DAB1: variants seen among roughly 807,000 people sequenced by gnomAD.
DAB1 encodes DAB adaptor protein 1, also known as disabled homolog 1.
DAB1 carries 15 observed loss-of-function variants against 64.6 expected under a neutral mutation model. That is an observed-to-expected ratio of 0.23 (90% CI 0.16 to 0.36). The LOEUF is 0.36. Ranked by LOEUF, DAB1 falls within the 10% of genes least tolerant of loss-of-function variation. DAB1 has a pLI of 1.00. For missense variants in DAB1, 596 were observed against 706.7 expected (o/e 0.84, Z 1.78); for synonymous variants, 235 against 251.9 (o/e 0.93, Z 0.64).
chr1:57,843,857 A>G (rs1395119958), intron 1 of DAB1, among the ~76,000 whole-genome samples: 1 of 152,150 alleles, frequency 6.6e-6, no homozygotes, highest in Non-Finnish European at 1.5e-5. Flanking sequence ...AAGCAGGAAC[A>G]GCAATACTTG....
intron 4 of DAB1, among the ~76,000 whole-genome samples, chr1:58,226,147 A>T (rs957027676): frequency 6.6e-6 from 1 of 152,060 alleles, no homozygotes; most frequent in Non-Finnish European, 1.5e-5. Context: ...TCTCCAAGTC[A>T]TGGTATCTCC....
At chr1:57,724,335 A>AGAGGG (rs1457097221) in intron 6 of DAB1, among the ~76,000 whole-genome samples, 1 of 82,984 alleles carries the variant, frequency 1.2e-5, no homozygotes, top group Non-Finnish European at 2.2e-5. Flanking sequence ...AGGAAGGAAG[A>AGAGGG]GAGGGGAGGG....
intron 1 of DAB1, among the ~76,000 whole-genome samples, chr1:57,833,034 G>C (rs948161537): frequency 6.7e-6 from 1 of 148,844 alleles, no homozygotes; most frequent in Non-Finnish European, 1.5e-5. Context: ...GGACAACAAG[G>C]AAATAAGTGA....
chr1:57,440,364 C>T (rs1685895074), intron 7 of DAB1, among the ~76,000 whole-genome samples: 1 of 152,178 alleles, frequency 6.6e-6, no homozygotes, highest in African/African-American at 2.4e-5. Flanking sequence ...GTGATTCAGC[C>T]AATGTGGTCC....
At chr1:57,605,941 A>G in intron 7 of DAB1, 1 of 689,190 alleles carries the variant, frequency 1.5e-6, no homozygotes, top group Non-Finnish European at 2.7e-6. Flanking sequence ...GTGCAAGTCA[A>G]AGAGTCACTT....
At chr1:57,061,232 G>A (rs866906511) in intron 9 of DAB1, among the ~76,000 whole-genome samples, 1 of 149,088 alleles carries the variant, frequency 6.7e-6, no homozygotes, top group Non-Finnish European at 1.5e-5. Context: ...TTTAGATGGG[G>A]GGGGGGGGTG....
In DAB1 at chr1:58,341,586, G is replaced by A. The variant is rs746813578; in HGVS notation, n.309+1766C>T. On this transcript the variant is annotated intron_variant and non_coding_transcript_variant, in intron 4 of 20. Transcript: ENST00000485760. ...GATAAGTGGAATACTCAGATGGGCTGAGTAACTTACCTGAGATCACAAAAA... is the reference window on the plus strand; with the variant it reads ...GATAAGTGGAATACTCAGATGGGCTAAGTAACTTACCTGAGATCACAAAAA... 2.0e-5 allele frequency among the ~76,000 whole-genome samples: 3 copies of A among 152,194 alleles called. 1 individual carries two copies. The highest frequency in any genetic ancestry group is 7.2e-5 in the African/African-American group (3 of 41,450).
chr1:57,638,862 ATGTG>A (rs921539365), intron 7 of DAB1, among the ~76,000 whole-genome samples: 1 of 151,582 alleles, frequency 6.6e-6, no homozygotes, highest in African/African-American at 2.4e-5. Flanking sequence ...GGGGGTGTGT[ATGTG>A]TGTGTGTGTT....
At chr1:58,488,094 T>A (rs1318640892) in intron 3 of DAB1, among the ~76,000 whole-genome samples, 5 of 152,184 alleles carry the variant, frequency 3.3e-5, no homozygotes, top group African/African-American at 1.2e-4. Context: ...TATAGACATT[T>A]AAACTGATAA....
chr1:58,481,906 A>G (rs907727480), intron 3 of DAB1, among the ~76,000 whole-genome samples: 1 of 152,236 alleles, frequency 6.6e-6, no homozygotes, highest in African/African-American at 2.4e-5. Context: ...TGGAACTGTA[A>G]GTCAATTAAA....
chr1:58,172,839 G>A (rs1046932118), intron 4 of DAB1, among the ~76,000 whole-genome samples: 1 of 152,246 alleles, frequency 6.6e-6, no homozygotes, highest in Admixed American at 6.5e-5. Context: ...AAAGGAAGAA[G>A]AATAAATGTA....
At chr1:57,261,582 C>T (rs1251633331) in intron 2 of DAB1, among the ~76,000 whole-genome samples, 1 of 152,106 alleles carries the variant, frequency 6.6e-6, no homozygotes, top group Non-Finnish European at 1.5e-5. Flanking sequence ...TAGCATGAAC[C>T]AGACCTACTT....
chr1:57,403,865 A>C (rs1185482129), intron 1 of DAB1, among the ~76,000 whole-genome samples: 2 of 152,220 alleles, frequency 1.3e-5, no homozygotes, highest in Admixed American at 1.3e-4. Context: ...TCTCAGTCTC[A>C]CTAGCTACAT....
intron 5 of DAB1, among the ~76,000 whole-genome samples, chr1:58,114,095 A>C (rs1238819891): frequency 1.4e-5 from 2 of 137,970 alleles, no homozygotes; most frequent in African/African-American, 5.7e-5. Flanking sequence ...AAAATACAAA[A>C]AAAAAAAAAA....
chr1:58,142,840 T>A (rs948801539), intron 5 of DAB1, among the ~76,000 whole-genome samples: 1 of 152,232 alleles, frequency 6.6e-6, no homozygotes, highest in Non-Finnish European at 1.5e-5. Flanking sequence ...CTTTTCTTTA[T>A]GTCTCCATCT....
At position 57,268,043 on chromosome 1, in the gene DAB1, G is replaced by A. The variant is rs1221232241; in HGVS notation, c.67+22921C>T. On this transcript the variant is annotated intron_variant, in intron 2 of 14. Transcript: ENST00000371236. ...ATTCCTAATCCATAAATATTTACAT[G>A]TAGGGATTTCTCCATGTTCAACAAG... Among the ~76,000 whole-genome samples, 4 of 152,268 alleles carry A rather than the reference G, an allele frequency of 2.6e-5. No homozygotes were observed. In the South Asian group the frequency reaches 6.2e-4, roughly 24 times the overall value.
At chr1:57,828,991 T>A (rs1260400445) in intron 1 of DAB1, among the ~76,000 whole-genome samples, 1 of 152,214 alleles carries the variant, frequency 6.6e-6, no homozygotes, top group Non-Finnish European at 1.5e-5. Context: ...TAATTTTATT[T>A]CAGTTAATCT....
chr1:58,072,089 G>GGT (rs1207130456), intron 5 of DAB1, among the ~76,000 whole-genome samples: 3 of 126,910 alleles, frequency 2.4e-5, no homozygotes, highest in Admixed American at 9.0e-5. Flanking sequence ...GTGGGGTGGG[G>GGT]GGGGGTGGGT....
At chr1:57,409,031 TC>T (rs1387469466) in intron 1 of DAB1, among the ~76,000 whole-genome samples, 1 of 152,136 alleles carries the variant, frequency 6.6e-6, no homozygotes, top group East Asian at 1.9e-4. Context: ...TGGTGGAGTC[TC>T]CTCCATGGTT....
Sources: allele counts gnomAD v4.1 joint callset (sites outside exome capture counted in the v4.1 genomes callset), GRCh38; gene constraint gnomAD v4.1.1; transcripts MANE v1.5; gene names NCBI Gene and HGNC (gene_info 2026-07-23, HGNC 2026-07-21).